Variants in SYTL5 observed in about 807,000 individuals in gnomAD.
SYTL5 encodes the protein synaptotagmin like 5.
Under a neutral mutation model 55.9 loss-of-function variants are expected in SYTL5, and 34 were observed. That is an observed-to-expected ratio of 0.61 (90% CI 0.46 to 0.81). The LOEUF (loss-of-function observed/expected upper bound fraction) is 0.81. SYTL5 is among the 30% of genes least tolerant of loss of function. SYTL5 has a pLI of 0.00. For synonymous variants in SYTL5, 221 were observed against 188.7 expected, an observed-to-expected ratio of 1.17 and a Z score of -1.40; for missense variants, 637 against 546.7, an observed-to-expected ratio of 1.17 and a Z score of -1.65.
chrX:37,980,735 C>T, the SYTL5 span, among the ~76,000 whole-genome samples: 1 of 105,430 alleles, frequency 9.5e-6, no homozygotes, highest in Admixed American at 1.0e-4. Flanking sequence ...TTAACCTGCC[C>T]GCAGCTACCT....
intron 6 of SYTL5, among the ~76,000 whole-genome samples, chrX:38,082,872 T>C (rs952303422): frequency 8.9e-6 from 1 of 111,836 alleles, no homozygotes; most frequent in Non-Finnish European, 1.9e-5. Context: ...AGTATAAAAA[T>C]TGAAGTATGG....
intron 5 of SYTL5, among the ~76,000 whole-genome samples, chrX:38,074,114 C>A (rs933544506): frequency 3.6e-5 from 4 of 111,578 alleles, no homozygotes; most frequent in Non-Finnish European, 5.6e-5. Context: ...GCTTAAAGCA[C>A]CATATTCCCT....
the SYTL5 span, among the ~76,000 whole-genome samples, chrX:37,917,695 C>T: frequency 6.3e-5 from 7 of 111,755 alleles, no homozygotes; most frequent in Admixed American, 1.9e-4. Context: ...CCCTCTTCAG[C>T]GGCAACTCCT....
At chrX:37,935,302 A>C in the SYTL5 span, among the ~76,000 whole-genome samples, 234 of 112,210 alleles carry the variant, frequency 2.1e-3, no homozygotes, top group Non-Finnish European at 3.7e-3. Flanking sequence ...ATAAATAAAA[A>C]CAGACAGAAT....
the SYTL5 span, among the ~76,000 whole-genome samples, chrX:37,945,617 T>C: frequency 4.0e-4 from 45 of 111,752 alleles, no homozygotes; most frequent in African/African-American, 1.4e-3. Flanking sequence ...GTCTTCAAAT[T>C]GGGCCTTAAA....
rs1349945258 is a variant in SYTL5 at position 38,102,639 on chromosome X, T to C, written c.1155+205T>C. On this transcript the variant is annotated intron_variant, in intron 10 of 16. Transcript: ENST00000297875. ...TTTCTCAGGCTCCTGATTTCTTCCT[T>C]CTTCCACAGTCCTCACCCAGGTTTT... Among the ~76,000 whole-genome samples, 3 of 111,586 alleles carry C rather than the reference T, an allele frequency of 2.7e-5. No homozygotes were observed. In the Admixed American group the frequency reaches 2.8e-4, roughly 11 times the overall value.
the SYTL5 span, among the ~76,000 whole-genome samples, chrX:37,918,261 G>C: frequency 9.0e-6 from 1 of 111,707 alleles, no homozygotes; most frequent in Non-Finnish European, 1.9e-5. Flanking sequence ...GCTTGAAAAA[G>C]CATGTGCACA....
intron 3 of SYTL5, among the ~76,000 whole-genome samples, chrX:38,061,912 G>A (rs1486416551): frequency 9.0e-6 from 1 of 111,555 alleles, no homozygotes; most frequent in East Asian, 2.8e-4. Context: ...ATTGAATTCA[G>A]AAGGCCCCAA....
the SYTL5 span, among the ~76,000 whole-genome samples, chrX:37,938,891 A>T: frequency 1.8e-5 from 2 of 112,091 alleles, no homozygotes; most frequent in Admixed American, 1.9e-4. Flanking sequence ...CAAACAGTTC[A>T]TTTACTAGGT....
intron 1 of SYTL5, among the ~76,000 whole-genome samples, chrX:38,007,190 A>G (rs1934019915): frequency 8.9e-6 from 1 of 111,816 alleles, no homozygotes; most frequent in South Asian, 3.7e-4. Flanking sequence ...CATTTTTGAT[A>G]TGGACAAATA....
intron 2 of SYTL5, among the ~76,000 whole-genome samples, chrX:38,046,021 G>A (rs889123972): frequency 9.0e-6 from 1 of 111,477 alleles, no homozygotes; most frequent in African/African-American, 3.3e-5. Flanking sequence ...GAATAAATAC[G>A]GAGTCCTTTC....
chrX:38,122,686 T>A (rs1256976200), intron 15 of SYTL5, among the ~76,000 whole-genome samples: 1 of 112,078 alleles, frequency 8.9e-6, no homozygotes, highest in Non-Finnish European at 1.9e-5. Context: ...TTGGAGAGGC[T>A]CCAAGACCAC....
intron 8 of SYTL5, 103 bp downstream of exon 8, chrX:38,094,527 T>A: frequency 1.1e-6 from 1 of 919,905 alleles, no homozygotes; most frequent in East Asian, 3.3e-5. Flanking sequence ...CTTTAAAAAA[T>A]AAGCATTCCC....
At chrX:38,021,973 T>A (rs1014245233) in intron 1 of SYTL5, among the ~76,000 whole-genome samples, 3 of 112,438 alleles carry the variant, frequency 2.7e-5, no homozygotes, top group African/African-American at 9.7e-5. Context: ...GATCAGGTTG[T>A]TTGTTACTTT....
At chrX:38,013,996 C>T (rs1255405159) in intron 1 of SYTL5, among the ~76,000 whole-genome samples, 5 of 111,314 alleles carry the variant, frequency 4.5e-5, no homozygotes. Flanking sequence ...TCCTCTCTAC[C>T]CTCTCCACAC....
At position 38,128,317 on chromosome X, in the gene SYTL5, A is replaced by G. The variant is rs1272106186; in HGVS notation, c.*1587A>G. On this transcript the variant is annotated 3_prime_UTR_variant, in exon 17 of 17. Transcript: ENST00000297875. Reference sequence around the variant, plus strand: ...TCAATATAGTCCTTGGCATAATGCTATGCTTATTAGGTAGATAAAAGGGCT... The same window carrying G: ...TCAATATAGTCCTTGGCATAATGCTGTGCTTATTAGGTAGATAAAAGGGCT... 9.0e-6 allele frequency: 1 copy of G among 111,639 alleles called. No homozygotes were observed. Among genetic ancestry groups the G allele is most frequent in the Non-Finnish European group, 1.9e-5 (1 of 53,111 alleles). 9.2% of individuals were successfully genotyped at this position (111,639 alleles called of 1,213,427 possible). A position where few individuals can be genotyped will look rare whatever the true frequency, so the allele number is the denominator to read the frequency against.
At chrX:38,066,359 G>A (rs1324268227) in intron 3 of SYTL5, among the ~76,000 whole-genome samples, 6 of 111,209 alleles carry the variant, frequency 5.4e-5, no homozygotes, top group Non-Finnish European at 1.1e-4. Flanking sequence ...GCTTCCAAGT[G>A]AAGGCTTGAA....
chrX:38,055,429 G>A (rs962552036), intron 3 of SYTL5, among the ~76,000 whole-genome samples: 1 of 111,364 alleles, frequency 9.0e-6, no homozygotes, highest in Admixed American at 9.5e-5. Flanking sequence ...CTCCTTTTGA[G>A]AAATTTCCCC....
At position 38,106,651 on chromosome X, in the gene SYTL5, A is replaced by G; in HGVS notation, c.1214A>G (p.Lys405Arg). 3 of 1,209,832 alleles carry G rather than the reference A, an allele frequency of 2.5e-6. No individual in the cohort carries two copies. Among genetic ancestry groups the G allele is most frequent in the Non-Finnish European group, 2.2e-6 (2 of 894,644 alleles). ...GAAACGGGAGACTATGGCAACGTGAAAGTCAGTGGTGAAATCCTTCTCCAT... is the reference window on the plus strand; with the variant it reads ...GAAACGGGAGACTATGGCAACGTGAGAGTCAGTGGTGAAATCCTTCTCCAT... Reference protein sequence around the residue: ...YSETGDYGNVKVSGEILLHIS... With the variant: ...YSETGDYGNVRVSGEILLHIS... The change falls in exon 11 of 17, where the codon AAA (lysine) becomes AGA (arginine). Residue 405 changes from lysine (K) to arginine (R), a missense_variant. Transcript: ENST00000297875.
Sources: allele counts gnomAD v4.1 joint callset (sites outside exome capture counted in the v4.1 genomes callset), GRCh38; gene constraint gnomAD v4.1.1; transcripts MANE v1.5; gene names NCBI Gene and HGNC (gene_info 2026-07-23, HGNC 2026-07-21).